Variants in ZMIZ1 observed in about 807,000 individuals in gnomAD.
The protein encoded by ZMIZ1 is zinc finger MIZ domain-containing protein 1.
A neutral mutation model predicts 113.9 loss-of-function variants in ZMIZ1; 17 were observed. That is an observed-to-expected ratio of 0.15 (90% CI 0.10 to 0.22). The LOEUF (loss-of-function observed/expected upper bound fraction) is 0.22. Ranked by LOEUF, ZMIZ1 falls within the 10% of genes least tolerant of loss-of-function variation. The pLI is 1.00. For missense variants in ZMIZ1, 1,059 were observed against 1,477.8 expected, an observed-to-expected ratio of 0.72 and a Z score of 4.65; for synonymous variants, 607 against 603.1, an observed-to-expected ratio of 1.01 and a Z score of -0.09.
chr10:79,242,964 G>A (rs1849933629), intron 7 of ZMIZ1, among the ~76,000 whole-genome samples: 1 of 151,048 alleles, frequency 6.6e-6, no homozygotes, highest in South Asian at 2.1e-4. Context: ...CGGTCTGCGC[G>A]CGCGAGTGAG....
At chr10:79,297,514 C>A in intron 13 of ZMIZ1, 99 bp from the exon 14 acceptor site, 1 of 1,001,106 alleles carries the variant, frequency 1.0e-6, no homozygotes, top group Non-Finnish European at 1.6e-6. Context: ...GCCCCTGTAG[C>A]ATCCCCGTGC....
intron 23 of ZMIZ1, among the ~76,000 whole-genome samples, chr10:79,310,477 T>C (rs980861630): frequency 6.6e-6 from 1 of 152,194 alleles, no homozygotes; most frequent in African/African-American, 2.4e-5. Context: ...GCTGTCTGTC[T>C]GTGTCTGCTC....
chr10:79,073,635 G>A (rs530083147), intron 1 of ZMIZ1, among the ~76,000 whole-genome samples: 16 of 152,256 alleles, frequency 1.1e-4, no homozygotes, highest in African/African-American at 3.1e-4. Context: ...GCCTAGGCAG[G>A]CCCCTAGGTA....
intron 1 of ZMIZ1, among the ~76,000 whole-genome samples, chr10:79,115,514 G>A (rs1487982568): frequency 6.6e-6 from 1 of 152,216 alleles, no homozygotes; most frequent in African/African-American, 2.4e-5. Flanking sequence ...CTGGTACAGT[G>A]GAGACCCTGA....
At chr10:79,310,629 G>T (rs559904938) in intron 23 of ZMIZ1, among the ~76,000 whole-genome samples, 2 of 151,988 alleles carry the variant, frequency 1.3e-5, no homozygotes, top group Non-Finnish European at 2.9e-5. Flanking sequence ...GGGCCTGGGG[G>T]AGCCCAGGCC....
At chr10:79,091,381 G>A (rs1193272634) in intron 1 of ZMIZ1, among the ~76,000 whole-genome samples, 1 of 152,210 alleles carries the variant, frequency 6.6e-6, no homozygotes, top group African/African-American at 2.4e-5. Context: ...AACGGCACAG[G>A]CTAAGGCAAT....
intron 2 of ZMIZ1, among the ~76,000 whole-genome samples, chr10:79,134,468 C>G (rs1844906730): frequency 6.6e-6 from 1 of 152,236 alleles, no homozygotes; most frequent in East Asian, 1.9e-4. Flanking sequence ...GACTCCAACT[C>G]ATGCAGAGGA....
At chr10:79,150,371 G>A (rs551419789) in intron 3 of ZMIZ1, among the ~76,000 whole-genome samples, 7 of 152,158 alleles carry the variant, frequency 4.6e-5, no homozygotes, top group Admixed American at 6.5e-5. Context: ...TCTGGCCTGC[G>A]CTGACCCCCT....
intron 1 of ZMIZ1, among the ~76,000 whole-genome samples, chr10:79,111,682 C>T (rs747059780): frequency 6.6e-6 from 1 of 152,340 alleles, no homozygotes; most frequent in East Asian, 1.9e-4. Flanking sequence ...TTTCTGCTGG[C>T]TTTGCCTGGA....
At position 79,291,158 on chromosome 10, in the gene ZMIZ1, G is replaced by A. The variant is rs1375006069; in HGVS notation, c.740G>A (p.Ser247Asn). 1.7e-5 allele frequency: 27 copies of A among 1,610,960 alleles called. No individual in the cohort carries two copies. The highest frequency in any genetic ancestry group is 3.3e-5 in the Admixed American group (2 of 59,896). ...TATGGCCGGCCCAACTACCCCGGCAGCGGGGGCTTTGGGGCCAGGTGAGCA... is the reference window on the plus strand; with the variant it reads ...TATGGCCGGCCCAACTACCCCGGCAACGGGGGCTTTGGGGCCAGGTGAGCA... ...SMYGRPNYPG[S>N]GGFGASYPGG... is the part of the protein sequence containing the mutation. The change falls in exon 10 of 25, where the codon AGC becomes AAC. Residue 247 changes from serine to asparagine, a missense_variant. Physicochemically the swap from Ser to Asn is conservative, Grantham distance 46 (BLOSUM62 1). This residue lies in a region of ZMIZ1 where 272 missense variants were observed against 350.4 expected (regional missense o/e 0.78). Transcript: ENST00000334512.
At chr10:79,070,836 G>GCCTCCCTCCCTC (rs34754058) in intron 1 of ZMIZ1, among the ~76,000 whole-genome samples, 1 of 150,076 alleles carries the variant, frequency 6.7e-6, no homozygotes, top group East Asian at 2.0e-4. Flanking sequence ...CTGCCCGCCT[G>GCCTCCCTCCCTC]CCTCCCTCCC....
At position 79,216,242 on chromosome 10, in the gene ZMIZ1, C is replaced by G. The variant is rs943149118; in HGVS notation, c.248C>G (p.Ala83Gly). 1 of 1,589,680 alleles carries G rather than the reference C, an allele frequency of 6.3e-7. No individual in the cohort carries two copies. Residue 83 changes from alanine (A) to glycine (G), a missense_variant, in exon 7 of 25, where the codon GCA (alanine) becomes GGA (glycine). This residue lies in a region of ZMIZ1 where 272 missense variants were observed against 350.4 expected (regional missense o/e 0.78). Coordinates refer to ENST00000334512, the MANE Select transcript of ZMIZ1 (RefSeq NM_020338.4). ...LGYRLLAVCAANRDKFTPKSA... is the reference protein window; with the variant it reads ...LGYRLLAVCAGNRDKFTPKSA... ...TACAGACTGCTGGCTGTGTGTGCTG[C>G]AAACCGAGACAAGTTCACCCCGAAG...
In ZMIZ1 at chr10:79,069,766, T is replaced by G. The variant is rs1466533244; in HGVS notation, c.-337+496T>G. Among the ~76,000 whole-genome samples, 2 of 152,092 alleles carry G rather than the reference T, an allele frequency of 1.3e-5. No individual in the cohort carries two copies. Among genetic ancestry groups the G allele is most frequent in the African/African-American group, 2.4e-5 (1 of 41,424 alleles). On this transcript the variant is annotated intron_variant, in intron 1 of 24. Transcript: ENST00000334512. This position sits in a 1 kb window ranked among gnomAD's most constrained non-coding sequence, Gnocchi z 4.6. ...TTCAGGATGGCAAGGGGTGGTGGTG[T>G]TAACTTGTGCGTCTGAATTTCCAGG...
At chr10:79,185,374 C>G (rs1209779632) in intron 4 of ZMIZ1, among the ~76,000 whole-genome samples, 4 of 152,210 alleles carry the variant, frequency 2.6e-5, no homozygotes, top group African/African-American at 9.7e-5. Context: ...CTTTTCACCT[C>G]TTTTTAAAAC....
intron 1 of ZMIZ1, among the ~76,000 whole-genome samples, chr10:79,078,775 G>A (rs1396372225): frequency 2.1e-5 from 3 of 139,686 alleles, no homozygotes; most frequent in Non-Finnish European, 4.5e-5. Context: ...ATCTTGAACT[G>A]CTGGGCTCAA....
At position 79,094,029 on chromosome 10, in the gene ZMIZ1, G is replaced by A. The variant is rs1023565845; in HGVS notation, c.-337+24759G>A. 2.0e-5 allele frequency among the ~76,000 whole-genome samples: 3 copies of A among 152,198 alleles called. 1 individual carries two copies. Among genetic ancestry groups the A allele is most frequent in the Non-Finnish European group, 2.9e-5 (2 of 68,040 alleles). Reference sequence around the variant, plus strand: ...TGGGTGGATTTATAAATAAACAGTCGACCGAGGGCATTGTATGTCCCCAGC... The same window carrying A: ...TGGGTGGATTTATAAATAAACAGTCAACCGAGGGCATTGTATGTCCCCAGC... On this transcript the variant is annotated intron_variant, in intron 1 of 24. Coordinates refer to ENST00000334512, the MANE Select transcript of ZMIZ1 (RefSeq NM_020338.4).
rs751076324 is a variant in ZMIZ1, at chr10:79,291,190, A to T, written c.758+14A>T. On this transcript the variant is annotated intron_variant, in intron 10 of 24. Transcript: ENST00000334512. ...CTTTGGGGCCAGGTGAGCAGGGCTGACCTGTGGCAGAAGCCATGGACGCCA... is the reference window on the plus strand; with the variant it reads ...CTTTGGGGCCAGGTGAGCAGGGCTGTCCTGTGGCAGAAGCCATGGACGCCA... 1.3e-6 allele frequency: 2 copies of T among 1,588,168 alleles called. No individual in the cohort carries two copies. The highest frequency in any genetic ancestry group is 1.7e-6 in the Non-Finnish European group (2 of 1,162,954).
At chr10:79,308,862 A>G (rs916330534) in intron 23 of ZMIZ1, among the ~76,000 whole-genome samples, 4 of 151,792 alleles carry the variant, frequency 2.6e-5, no homozygotes, top group Non-Finnish European at 5.9e-5. Context: ...GATGCCGTCT[A>G]TTTCCCCTTG....
chr10:79,191,014 G>A (rs1404362781), intron 4 of ZMIZ1, among the ~76,000 whole-genome samples: 2 of 152,182 alleles, frequency 1.3e-5, no homozygotes, highest in African/African-American at 4.8e-5. Context: ...AACAATGGCT[G>A]TGCAGAAGTG....
Sources: gnomAD v4.1 joint callset for allele counts (sites outside exome capture counted in the v4.1 genomes callset) on GRCh38, gnomAD v4.1.1 for gene constraint, gnomAD v4.1.1 regional missense constraint, Gnocchi (gnomAD v3.1) non-coding constraint, MANE v1.5 for transcripts, NCBI Gene and HGNC (gene_info 2026-07-23, HGNC 2026-07-21) for gene names.